The following HDAC8 variants were observed in gnomAD, a reference collection of about 807,000 sequenced individuals.
The protein encoded by HDAC8 is histone deacetylase-like 1.
A neutral mutation model predicts 32.2 loss-of-function variants in HDAC8; 1 was observed. That is an observed-to-expected ratio of 0.03 (90% CI 0.01 to 0.15). The LOEUF (loss-of-function observed/expected upper bound fraction) is 0.15, where lower values mean the gene tolerates loss of function less well. HDAC8 is among the 10% of genes least tolerant of loss of function. HDAC8 has a pLI of 1.00. For missense variants in HDAC8, 117 were observed against 300.0 expected, an observed-to-expected ratio of 0.39 and a Z score of 4.51; for synonymous variants, 108 against 113.9, an observed-to-expected ratio of 0.95 and a Z score of 0.33.
chrX:72,420,337 T>G (rs1723952816), intron 9 of HDAC8, among the ~76,000 whole-genome samples: 3 of 112,146 alleles, frequency 2.7e-5, no homozygotes, highest in Non-Finnish European at 5.7e-5. Flanking sequence ...TGTTTGTTTC[T>G]AGGAATTTGT....
intron 10 of HDAC8, among the ~76,000 whole-genome samples, chrX:72,334,934 A>G (rs1431504879): frequency 1.8e-5 from 2 of 112,433 alleles, no homozygotes; most frequent in Non-Finnish European, 3.7e-5. Flanking sequence ...AATTTATTCA[A>G]TAAACATTTA....
At position 72,351,797 on chromosome X, in the gene HDAC8, C is replaced by T. The variant is rs782747900; in HGVS notation, c.1047G>A (p.Thr349=). Residue 349 remains threonine (T), a synonymous_variant, in exon 10 of 11, where the codon ACG becomes ACA. Coordinates refer to ENST00000373573, the MANE Select transcript of HDAC8 (RefSeq NM_018486.3). ...CATTGCGGTCTGGCCGGCAGCTTGG[C>T]GTGATTTCCAGCACATAATCAGGAC... ...AYGPDYVLEI[T]PSCRPDRNEP... 33 of 1,208,890 alleles carry T rather than the reference C, an allele frequency of 2.7e-5. No homozygotes were observed. Among genetic ancestry groups the T allele is most frequent in the Non-Finnish European group, 3.5e-5 (31 of 894,280 alleles).
intron 9 of HDAC8, among the ~76,000 whole-genome samples, chrX:72,435,928 ACTGCACT>A (rs1555979052): frequency 9.0e-6 from 1 of 111,567 alleles, no homozygotes; most frequent in Non-Finnish European, 1.9e-5. Flanking sequence ...AGATTGTGCC[ACTGCACT>A]CCAGCCTGGG....
chrX:72,557,130 G>A (rs1454384733), intron 4 of HDAC8, among the ~76,000 whole-genome samples: 1 of 111,222 alleles, frequency 9.0e-6, no homozygotes, highest in Admixed American at 9.5e-5. Context: ...GTGAACCCGG[G>A]AGGCGGAGCT....
At chrX:72,482,824 T>C (rs1393936250) in intron 7 of HDAC8, among the ~76,000 whole-genome samples, 1 of 112,108 alleles carries the variant, frequency 8.9e-6, no homozygotes, top group Non-Finnish European at 1.9e-5. Flanking sequence ...TTCTCCAGTT[T>C]TCTCATATCT....
chrX:72,459,194 C>T (rs999438735), intron 9 of HDAC8, among the ~76,000 whole-genome samples: 4 of 111,668 alleles, frequency 3.6e-5, no homozygotes, highest in Admixed American at 1.9e-4. Flanking sequence ...TTGGAGGGCA[C>T]TGGGATTATC....
chrX:72,442,384 CA>C (rs1284173489), intron 9 of HDAC8, among the ~76,000 whole-genome samples: 1 of 111,742 alleles, frequency 8.9e-6, no homozygotes, highest in African/African-American at 3.3e-5. Context: ...CAACATTCAA[CA>C]TTCTTAAAGA....
At chrX:72,426,280 T>TA (rs2046636012) in intron 9 of HDAC8, among the ~76,000 whole-genome samples, 1 of 111,827 alleles carries the variant, frequency 8.9e-6, no homozygotes, top group African/African-American at 3.3e-5. Flanking sequence ...ATAGTTAACT[T>TA]ACTGCTAATG....
At chrX:72,422,053 G>A (rs1324105633) in intron 9 of HDAC8, among the ~76,000 whole-genome samples, 1 of 111,678 alleles carries the variant, frequency 9.0e-6, no homozygotes, top group Non-Finnish European at 1.9e-5. Flanking sequence ...TGTATGTGAT[G>A]AGTTGTTTCT....
At chrX:72,548,040 T>C (rs2050918753) in intron 4 of HDAC8, among the ~76,000 whole-genome samples, 1 of 111,778 alleles carries the variant, frequency 8.9e-6, no homozygotes, top group African/African-American at 3.3e-5. Flanking sequence ...CATTTTTCAG[T>C]GGGACTGTGA....
intron 9 of HDAC8, among the ~76,000 whole-genome samples, chrX:72,439,151 C>T (rs1352076397): frequency 1.8e-5 from 2 of 111,584 alleles, no homozygotes; most frequent in African/African-American, 6.5e-5. Flanking sequence ...AGAGTGGGGG[C>T]CAATATTCAA....
chrX:72,365,397 T>C (rs1420451360), intron 9 of HDAC8, among the ~76,000 whole-genome samples: 2 of 111,782 alleles, frequency 1.8e-5, no homozygotes, highest in Non-Finnish European at 3.8e-5. Context: ...TAGTAGAGAA[T>C]GCAGACAAGT....
chrX:72,334,862 A>G (rs1358447911), intron 10 of HDAC8, among the ~76,000 whole-genome samples: 2 of 111,929 alleles, frequency 1.8e-5, no homozygotes, highest in Admixed American at 9.5e-5. Flanking sequence ...AAGAAGGAGT[A>G]CTGAACTGGG....
chrX:72,368,774 C>T (rs2044780418), intron 9 of HDAC8, among the ~76,000 whole-genome samples: 1 of 112,561 alleles, frequency 8.9e-6, no homozygotes, highest in African/African-American at 3.2e-5. Flanking sequence ...CACAAAGATG[C>T]TTTCTTAGCA....
At chrX:72,484,125 T>G (rs781857013) in intron 7 of HDAC8, among the ~76,000 whole-genome samples, 19 of 112,900 alleles carry the variant, frequency 1.7e-4, no homozygotes, top group African/African-American at 4.2e-4. Context: ...CTCTGAATTT[T>G]TTTTAAGTTA....
At chrX:72,509,914 G>T (rs1204513633) in intron 4 of HDAC8, among the ~76,000 whole-genome samples, 1 of 110,918 alleles carries the variant, frequency 9.0e-6, no homozygotes, top group Non-Finnish European at 1.9e-5. Context: ...TTTTCAGTTT[G>T]CCTCTGTCTC....
chrX:72,390,992 C>T (rs2045597393), intron 9 of HDAC8, among the ~76,000 whole-genome samples: 2 of 111,977 alleles, frequency 1.8e-5, no homozygotes, highest in African/African-American at 3.2e-5. Context: ...GCTGTCAAGG[C>T]TGTTCAGCAC....
intron 9 of HDAC8, among the ~76,000 whole-genome samples, chrX:72,380,455 G>A (rs1413427733): frequency 8.9e-6 from 1 of 111,831 alleles, no homozygotes; most frequent in Non-Finnish European, 1.9e-5. Flanking sequence ...TGTTCCCTCT[G>A]GTGGCTGCCA....
At chrX:72,401,551 T>G (rs2045902637) in intron 9 of HDAC8, among the ~76,000 whole-genome samples, 1 of 112,414 alleles carries the variant, frequency 8.9e-6, no homozygotes, top group African/African-American at 3.2e-5. Flanking sequence ...ATCTGTCATT[T>G]TGATTGTAGC....
Sources: gnomAD v4.1 joint callset for allele counts (sites outside exome capture counted in the v4.1 genomes callset) on GRCh38, gnomAD v4.1.1 for gene constraint, MANE v1.5 for transcripts, NCBI Gene and HGNC (gene_info 2026-07-23, HGNC 2026-07-21) for gene names.